The following CHLSN variants were observed in gnomAD, a reference collection of about 807,000 sequenced individuals.
CHLSN encodes the protein cholesin.
At chr7:1,093,232 G>A in the CHLSN span, 1 of 485,876 alleles carries the variant, frequency 2.1e-6, no homozygotes, top group Non-Finnish European at 4.2e-6. Flanking sequence ...AGGCCACTGT[G>A]GGTGAAGCGC....
chr7:1,125,766 A>G, the CHLSN span, among the ~76,000 whole-genome samples: 15 of 152,358 alleles, frequency 9.8e-5, no homozygotes, highest in African/African-American at 3.6e-4. Flanking sequence ...CCATCCGCAG[A>G]CACGGAAAGC....
At chr7:982,498 C>T in the CHLSN span, among the ~76,000 whole-genome samples, 4 of 152,248 alleles carry the variant, frequency 2.6e-5, no homozygotes, top group Non-Finnish European at 5.9e-5. Context: ...TCGTAAACCC[C>T]GCCACCTGCC....
the CHLSN span, among the ~76,000 whole-genome samples, chr7:1,102,365 G>A: frequency 6.6e-6 from 1 of 152,164 alleles, no homozygotes; most frequent in Admixed American, 6.5e-5. Flanking sequence ...TATCTTACAA[G>A]AAGAAGAGGA....
the CHLSN span, among the ~76,000 whole-genome samples, chr7:1,099,371 C>T: frequency 5.0e-4 from 76 of 152,384 alleles, no homozygotes; most frequent in East Asian, 0.012. Context: ...GCCACGGGGA[C>T]GCCAGCCCAA....
the CHLSN span, among the ~76,000 whole-genome samples, chr7:1,008,955 G>C: frequency 1.3e-5 from 2 of 149,848 alleles, no homozygotes; most frequent in Admixed American, 1.3e-4. Flanking sequence ...ACCCCCTCAT[G>C]CGAACACACA....
the CHLSN span, chr7:1,022,892 C>G: frequency 2.0e-5 from 8 of 404,170 alleles, no homozygotes; most frequent in Admixed American, 1.2e-4. Context: ...CTACAAAGCG[C>G]GGCGACGTCT....
At chr7:998,390 G>A in the CHLSN span, among the ~76,000 whole-genome samples, 2 of 151,004 alleles carry the variant, frequency 1.3e-5, no homozygotes, top group African/African-American at 4.9e-5. Flanking sequence ...ACTTGCAAAC[G>A]TCTCCCATTC....
At chr7:1,136,493 C>CATATATATGAACAT in the CHLSN span, among the ~76,000 whole-genome samples, 1 of 100,158 alleles carries the variant, frequency 1.0e-5, no homozygotes, top group African/African-American at 5.2e-5. Context: ...CATATATAAA[C>CATATATATGAACAT]ATATAAATAT....
At chr7:1,028,150 C>G in the CHLSN span, 2 of 764,064 alleles carry the variant, frequency 2.6e-6, no homozygotes, top group Non-Finnish European at 3.2e-6. Flanking sequence ...CTGGACGCCA[C>G]GGCCTCCCAC....
chr7:1,013,030 C>A, the CHLSN span, among the ~76,000 whole-genome samples: 1,121 of 152,260 alleles, frequency 7.4e-3, 20 homozygotes, highest in African/African-American at 0.025. Flanking sequence ...GCACAGGCCG[C>A]GGCAGGTCGT....
the CHLSN span, among the ~76,000 whole-genome samples, chr7:1,006,965 T>TCACAGGC: frequency 6.6e-6 from 1 of 152,070 alleles, no homozygotes; most frequent in Non-Finnish European, 1.5e-5. Context: ...TGGTCACAGG[T>TCACAGGC]CACAGGCCAA....
chr7:1,098,439 C>T, the CHLSN span, among the ~76,000 whole-genome samples: 1 of 152,218 alleles, frequency 6.6e-6, no homozygotes, highest in African/African-American at 2.4e-5. Context: ...TATTACTCTG[C>T]CATGAAAAGG....
chr7:1,016,539 C>T, the CHLSN span, among the ~76,000 whole-genome samples: 1 of 144,824 alleles, frequency 6.9e-6, no homozygotes, highest in African/African-American at 2.6e-5. Flanking sequence ...CAGCACAAAG[C>T]AGCGCACGCC....
the CHLSN span, among the ~76,000 whole-genome samples, chr7:1,069,494 C>T: frequency 5.6e-5 from 8 of 143,470 alleles, no homozygotes; most frequent in Admixed American, 2.1e-4. Context: ...CGAGTGCCTG[C>T]GATTGCAGGC....
At chr7:1,119,540 T>C in the CHLSN span, among the ~76,000 whole-genome samples, 3 of 152,118 alleles carry the variant, frequency 2.0e-5, no homozygotes, top group Non-Finnish European at 4.4e-5. Context: ...ATATCTAGAA[T>C]CAGAAGGTCA....
chr7:1,041,843 T>G, the CHLSN span, among the ~76,000 whole-genome samples: 30 of 147,212 alleles, frequency 2.0e-4, no homozygotes, highest in Admixed American at 4.8e-4. Flanking sequence ...CCAGGCCAGC[T>G]GGGCCCCTCT....
the CHLSN span, chr7:1,010,093 T>G: frequency 6.2e-7 from 1 of 1,612,946 alleles, no homozygotes; most frequent in South Asian, 1.1e-5. Context: ...TCTGCTCCTC[T>G]GGGGACAGCT....
the CHLSN span, among the ~76,000 whole-genome samples, chr7:1,017,711 CGGGCAGCCGCGGACGGCGGGATAAG>C: frequency 1.2e-3 from 177 of 152,290 alleles, no homozygotes; most frequent in African/African-American, 4.0e-3. Flanking sequence ...CTGACTGCCG[CGGGCAGCCGCGGACGGCGGGATAAG>C]GGGCAGCCGC....
At chr7:1,037,141 TAGAA>T in the CHLSN span, among the ~76,000 whole-genome samples, 8 of 146,166 alleles carry the variant, frequency 5.5e-5, no homozygotes, top group Admixed American at 1.4e-4. Flanking sequence ...AAACCAGTAA[TAGAA>T]AGGATTTACT....
Sources: gnomAD v4.1 joint callset for allele counts (sites outside exome capture counted in the v4.1 genomes callset) on GRCh38, gnomAD v4.1.1 for gene constraint, MANE v1.5 for transcripts, NCBI Gene and HGNC (gene_info 2026-07-23, HGNC 2026-07-21) for gene names.